The following COL12A1 variants were observed in gnomAD, a reference collection of about 807,000 sequenced individuals.
COL12A1 encodes the protein collagen alpha-1(XII) chain.
A neutral mutation model predicts 349.7 loss-of-function variants in COL12A1; 114 were observed. That is an observed-to-expected ratio of 0.33 (90% CI 0.28 to 0.38). The LOEUF is 0.38. Among genes scored for constraint, COL12A1 ranks in the 10% least tolerant of loss-of-function variants. The pLI is 1.00. For synonymous variants in COL12A1, 1,369 were observed against 1,329.0 expected (o/e 1.03, Z -0.66); for missense variants, 3,284 against 3,756.9 (o/e 0.87, Z 3.29).
intron 32 of COL12A1, 111 bp downstream of exon 32, chr6:75,134,615 A>G: frequency 1.0e-6 from 1 of 976,370 alleles, no homozygotes; most frequent in Non-Finnish European, 1.4e-6. Flanking sequence ...TTCTAAATGA[A>G]TTTTTAAATA....
At chr6:75,103,417 G>C (rs864983) in intron 55 of COL12A1, among the ~76,000 whole-genome samples, 119,118 of 152,106 alleles carry the variant, frequency 0.78, 47,784 homozygotes, top group Non-Finnish European at 0.88. Flanking sequence ...AGCAGCAGTA[G>C]TGCTCCCAAC....
rs1320130936 is a variant in COL12A1 at position 75,105,361 on chromosome 6, A to G, written c.8179-69T>C. On this transcript the variant is annotated intron_variant, in intron 53 of 65. Coordinates refer to ENST00000322507, the MANE Select transcript of COL12A1 (RefSeq NM_004370.6). ...AAAATGACTTCCCATCCCCACCCCC[A>G]CTTACATGCACAAGGAAGTCTGTTT... 3 of 1,009,182 alleles carry G rather than the reference A, an allele frequency of 3.0e-6. No individual in the cohort carries two copies. In the African/African-American group the frequency reaches 4.8e-5, roughly 16 times the overall value. 62.5% of individuals were successfully genotyped at this position (1,009,182 alleles called of 1,614,324 possible).
intron 24 of COL12A1, among the ~76,000 whole-genome samples, 156 bp from the exon 25 acceptor site, chr6:75,145,611 CTTT>C (rs56698330): frequency 4.1e-5 from 5 of 121,178 alleles, no homozygotes; most frequent in Admixed American, 8.2e-5. Flanking sequence ...CTGATGTTTT[CTTT>C]TTTTTTTTTT....
chr6:75,189,453 A>C (rs1443325246), intron 6 of COL12A1, 72 bp from the exon 7 acceptor site: 1 of 1,573,084 alleles, frequency 6.4e-7, no homozygotes, highest in African/African-American at 1.4e-5. Flanking sequence ...CTATGTGAAC[A>C]ATGTCAAAAA....
At chr6:75,190,052 T>A (rs1309216219) in intron 5 of COL12A1, among the ~76,000 whole-genome samples, 1 of 152,034 alleles carries the variant, frequency 6.6e-6, no homozygotes, top group East Asian at 1.9e-4. Context: ...AATTGCTTTA[T>A]AAGACATTAT....
At chr6:75,200,466 A>G in intron 2 of COL12A1, among the ~76,000 whole-genome samples, 1 of 152,164 alleles carries the variant, frequency 6.6e-6, no homozygotes, top group East Asian at 1.9e-4. Flanking sequence ...CCAGCTACTC[A>G]GGAGGTTAAG....
intron 13 of COL12A1, 55 bp downstream of exon 13, chr6:75,174,983 A>T (rs1380965331): frequency 3.2e-6 from 5 of 1,582,638 alleles, no homozygotes; most frequent in Non-Finnish European, 4.3e-6. Context: ...TAAGCTTCCT[A>T]GAGGCAGCAC....
chr6:75,119,299 A>C (rs778918405), intron 45 of COL12A1, 51 bp downstream of exon 45: 3 of 1,604,924 alleles, frequency 1.9e-6, no homozygotes, highest in Non-Finnish European at 2.6e-6. Flanking sequence ...TAATACACTC[A>C]GTTCTGCCAC....
At chr6:75,102,123 C>G in intron 56 of COL12A1, 71 bp from the exon 57 acceptor site, 1 of 1,434,634 alleles carries the variant, frequency 7.0e-7, no homozygotes, top group Non-Finnish European at 9.8e-7. Context: ...AGACATGAGT[C>G]ACTTATGAAA....
At chr6:75,134,105 A>G in intron 32 of COL12A1, 108 bp from the exon 33 acceptor site, 1 of 1,250,090 alleles carries the variant, frequency 8.0e-7, no homozygotes. Context: ...CAGGCACCGC[A>G]CAAACATTTG....
At chr6:75,137,180 G>T (rs1024377648) in intron 31 of COL12A1, among the ~76,000 whole-genome samples, 1 of 152,124 alleles carries the variant, frequency 6.6e-6, no homozygotes, top group African/African-American at 2.4e-5. Flanking sequence ...AGGAACTATG[G>T]ATGCATTGAA....
At chr6:75,131,262 C>T (rs1029851625) in intron 35 of COL12A1, among the ~76,000 whole-genome samples, 2 of 152,134 alleles carry the variant, frequency 1.3e-5, no homozygotes, top group African/African-American at 4.8e-5. Context: ...ATGCAAAGCT[C>T]ATGATATTTC....
intron 14 of COL12A1, among the ~76,000 whole-genome samples, chr6:75,157,200 T>C (rs549077887): frequency 6.6e-6 from 1 of 152,166 alleles, no homozygotes; most frequent in Non-Finnish European, 1.5e-5. Context: ...TAACGCTATA[T>C]GAAATAAGTA....
chr6:75,136,870 G>A (rs1368129135), intron 31 of COL12A1, among the ~76,000 whole-genome samples: 1 of 152,070 alleles, frequency 6.6e-6, no homozygotes, highest in African/African-American at 2.4e-5. Flanking sequence ...AGAGAAAGAG[G>A]ATGAAGACTG....
Position 75,130,854 on chromosome 6 carries a change from G to A in COL12A1, c.6065C>T (p.Thr2022Met), listed in dbSNP as rs1766265495. 9 of 1,613,938 alleles carry A rather than the reference G, an allele frequency of 5.6e-6. No homozygotes were observed. Among genetic ancestry groups the A allele is most frequent in the South Asian group, 1.1e-5 (1 of 91,062 alleles). Residue 2022 changes from threonine (T) to methionine (M), a missense_variant and splice_region_variant, in exon 36 of 66, where the codon ACG becomes ATG. Thr to Met is a moderately conservative substitution (Grantham distance 81). Around this residue, in one of 2 missense-constraint regions of COL12A1, gnomAD observed 2,601 missense variants for 2,824.8 expected, o/e 0.92. Coordinates refer to ENST00000322507, the MANE Select transcript of COL12A1 (RefSeq NM_004370.6). The part of the protein sequence containing the change: ...EGNPSPAQGR[T>M]LPRSGPRNLR... ...TGGAGAAAGGATTTCTGCCTCACGC[G>A]TTCGGCCCTGGGCAGGGCTGGGATT...
At chr6:75,114,437 A>G (rs1173654095) in intron 49 of COL12A1, among the ~76,000 whole-genome samples, 8 of 152,080 alleles carry the variant, frequency 5.3e-5, no homozygotes, top group Non-Finnish European at 1.2e-4. Flanking sequence ...AGAACAAAAA[A>G]CAAAAAATTG....
At position 75,152,413 on chromosome 6, in the gene COL12A1, CG is replaced by C; in HGVS notation, c.3634del (p.Arg1212GlyfsTer7). On this transcript the variant is annotated frameshift_variant, in exon 18 of 66. Coordinates refer to ENST00000322507, the MANE Select transcript of COL12A1 (RefSeq NM_004370.6). LOFTEE classifies it high-confidence loss of function. ...ACTCCTCACGGTTCTAAAATTTGCC[CG>C]GCCGATGCTCCATGATCCATCCACC... ...LLVDGSWSIGRANFRTVRSFI... is the reference protein window; with the variant it reads ...LLVDGSWSIGXANFRTVRSFI... 6.2e-7 allele frequency: 1 copy of C among 1,613,626 alleles called. No homozygotes were observed. The highest frequency in any genetic ancestry group is 1.3e-5 in the African/African-American group (1 of 75,000).
rs2149366283 is a variant in COL12A1, at chr6:75,119,126, T to C, written c.7271A>G (p.Asn2424Ser). Reference sequence around the variant, plus strand: ...GACCACAACCAACACCTTAGGGACATTCTTCCTCATGCCGCTCTCCCAAGT... The same window carrying C: ...GACCACAACCAACACCTTAGGGACACTCTTCCTCATGCCGCTCTCCCAAGT... Reference protein sequence around the residue: ...VLTWESGMRKNVPKVLVVVTD... With the variant: ...VLTWESGMRKSVPKVLVVVTD... Residue 2424 changes from asparagine to serine, a missense_variant, in exon 46 of 66, where the codon AAT becomes AGT. Physicochemically the swap from Asn to Ser is conservative, Grantham distance 46. Around this residue, in one of 2 missense-constraint regions of COL12A1, gnomAD observed 683 missense variants for 932.1 expected, o/e 0.73. Coordinates refer to ENST00000322507, the MANE Select transcript of COL12A1 (RefSeq NM_004370.6). 6.2e-7 allele frequency: 1 copy of C among 1,613,998 alleles called. No homozygotes were observed. The highest frequency in any genetic ancestry group is 1.1e-5 in the South Asian group (1 of 91,078).
Position 75,191,699 on chromosome 6 carries a change from A to G in COL12A1, c.394+2T>C, listed in dbSNP as rs1449580577. 1 of 1,594,758 alleles carries G rather than the reference A, an allele frequency of 6.3e-7. No individual in the cohort carries two copies. Among genetic ancestry groups the G allele is most frequent in the East Asian group, 2.3e-5 (1 of 43,618 alleles). On this transcript the variant is annotated splice_donor_variant, in intron 5 of 65. Coordinates refer to ENST00000322507, the MANE Select transcript of COL12A1 (RefSeq NM_004370.6). LOFTEE classifies it high-confidence loss of function. ...AGCAAAAATAGTAAGAGAAACACTCACTTTGTATCTCGGTTTTTCCAGGTT... is the reference window on the plus strand; with the variant it reads ...AGCAAAAATAGTAAGAGAAACACTCGCTTTGTATCTCGGTTTTTCCAGGTT...
Sources: gnomAD v4.1 joint callset for allele counts (sites outside exome capture counted in the v4.1 genomes callset) on GRCh38, gnomAD v4.1.1 for gene constraint, gnomAD v4.1.1 regional missense constraint, MANE v1.5 for transcripts, NCBI Gene and HGNC (gene_info 2026-07-23, HGNC 2026-07-21) for gene names.